Variants in CDYL2 observed in about 807,000 individuals in gnomAD.
CDYL2 encodes chromodomain Y-like protein 2.
A neutral mutation model predicts 49.4 loss-of-function variants in CDYL2; 23 were observed. The observed-to-expected ratio is 0.47, with a 90% CI of 0.34 to 0.66. The LOEUF is 0.66. CDYL2 is among the 30% of genes least tolerant of loss of function. The probability of loss-of-function intolerance (pLI) is 0.01; values close to 1 mark genes in which losing one functional copy is unlikely to be tolerated. For synonymous variants in CDYL2, 360 were observed against 268.8 expected (o/e 1.34, Z -3.32); for missense variants, 678 against 656.4 (o/e 1.03, Z -0.36).
At chr16:80,723,742 G>A (rs777896539) in intron 1 of CDYL2, among the ~76,000 whole-genome samples, 28 of 152,200 alleles carry the variant, frequency 1.8e-4, no homozygotes, top group Admixed American at 1.3e-4. Context: ...TGCAGAACAT[G>A]AGTAGTGGTG....
At chr16:80,721,366 G>A (rs762719095) in intron 1 of CDYL2, among the ~76,000 whole-genome samples, 1 of 152,146 alleles carries the variant, frequency 6.6e-6, no homozygotes, top group African/African-American at 2.4e-5. Context: ...GCAAACACAC[G>A]CTGGGGCCTG....
chr16:80,802,130 G>A (rs531212897), intron 1 of CDYL2, among the ~76,000 whole-genome samples: 4 of 152,128 alleles, frequency 2.6e-5, no homozygotes, highest in Non-Finnish European at 4.4e-5. Flanking sequence ...ATCTGGCAAC[G>A]ACAATTACCA....
At chr16:80,744,606 G>A (rs1049694131) in intron 1 of CDYL2, among the ~76,000 whole-genome samples, 3 of 152,184 alleles carry the variant, frequency 2.0e-5, no homozygotes. Flanking sequence ...AAATACAGGT[G>A]AAGAAACTGA....
At chr16:80,676,968 T>C (rs1432396442) in intron 2 of CDYL2, among the ~76,000 whole-genome samples, 1 of 137,892 alleles carries the variant, frequency 7.3e-6, no homozygotes. Context: ...AATGTATTTT[T>C]TTTTTTTTTT....
intron 1 of CDYL2, 60 bp downstream of exon 1, chr16:80,804,090 C>T (rs1908020398): frequency 2.0e-6 from 2 of 976,916 alleles, no homozygotes; most frequent in Non-Finnish European, 2.4e-6. Context: ...CCGCCGCCCG[C>T]CGCCGCCGCC....
chr16:80,769,268 G>C (rs988798688), intron 1 of CDYL2, among the ~76,000 whole-genome samples: 3 of 152,182 alleles, frequency 2.0e-5, no homozygotes, highest in South Asian at 2.1e-4. Flanking sequence ...ATGTGATTGA[G>C]AGGATGGCTC....
chr16:80,740,940 G>A (rs1456619516), intron 1 of CDYL2, among the ~76,000 whole-genome samples: 2 of 151,282 alleles, frequency 1.3e-5, no homozygotes, highest in Non-Finnish European at 2.9e-5. Context: ...TCAACTTAAA[G>A]CAATTTCAAT....
intron 1 of CDYL2, among the ~76,000 whole-genome samples, chr16:80,693,854 CA>C (rs1910514298): frequency 6.6e-6 from 1 of 152,116 alleles, no homozygotes; most frequent in Admixed American, 6.5e-5. Flanking sequence ...ACCAAGGTGT[CA>C]GAGGCTCCCA....
chr16:80,734,315 TC>T (rs1905437033), intron 1 of CDYL2, among the ~76,000 whole-genome samples: 1 of 152,186 alleles, frequency 6.6e-6, no homozygotes. Context: ...GAGTAGGACT[TC>T]GGGGTCATAA....
At chr16:80,623,504 A>G (rs1907173186) in intron 3 of CDYL2, among the ~76,000 whole-genome samples, 1 of 152,116 alleles carries the variant, frequency 6.6e-6, no homozygotes, top group Non-Finnish European at 1.5e-5. Flanking sequence ...TGGTCCTTAG[A>G]CCAGCAGCTT....
intron 1 of CDYL2, among the ~76,000 whole-genome samples, chr16:80,786,289 A>G (rs1308934193): frequency 6.6e-6 from 1 of 152,214 alleles, no homozygotes; most frequent in Non-Finnish European, 1.5e-5. Flanking sequence ...CAACCTCAAC[A>G]AAAAATGGGC....
chr16:80,609,155 T>C (rs1906481263), intron 5 of CDYL2, among the ~76,000 whole-genome samples: 1 of 152,178 alleles, frequency 6.6e-6, no homozygotes, highest in South Asian at 2.1e-4. Flanking sequence ...TCAGCTGTCA[T>C]ACAAGGTCTG....
intron 1 of CDYL2, among the ~76,000 whole-genome samples, chr16:80,702,202 A>G (rs987929012): frequency 5.3e-5 from 8 of 152,036 alleles, no homozygotes; most frequent in Admixed American, 1.3e-4. Flanking sequence ...ACACACACAC[A>G]CACACACACA....
intron 1 of CDYL2, among the ~76,000 whole-genome samples, chr16:80,798,045 T>A (rs1907819154): frequency 6.6e-6 from 1 of 152,220 alleles, no homozygotes; most frequent in South Asian, 2.1e-4. Context: ...GTTTGTTTTT[T>A]GTTTTTTGCT....
rs116304055 is a variant in CDYL2 at position 80,794,139 on chromosome 16, T to A, written c.24+10011A>T. ...ATTGTCCCCATTCCTTCTCTCAAATTTGAGTCAGAGCAGAAGGAGCCAGTC... is the reference window on the plus strand; with the variant it reads ...ATTGTCCCCATTCCTTCTCTCAAATATGAGTCAGAGCAGAAGGAGCCAGTC... On this transcript the variant is annotated intron_variant, in intron 1 of 6. Transcript: ENST00000570137. Among the ~76,000 whole-genome samples, 692 of 152,276 alleles carry A rather than the reference T, an allele frequency of 4.5e-3. 2 individuals are homozygous for A. The highest frequency in any genetic ancestry group is 0.015 in the African/African-American group (634 of 41,556).
chr16:80,760,438 A>G (rs12446278), intron 1 of CDYL2, among the ~76,000 whole-genome samples: 15,280 of 152,254 alleles, frequency 0.1, 824 homozygotes, highest in Middle Eastern at 0.13. Context: ...CAGGGTGACT[A>G]TAGTCAATAA....
intron 1 of CDYL2, among the ~76,000 whole-genome samples, chr16:80,698,633 G>A (rs573166617): frequency 6.6e-6 from 1 of 152,024 alleles, no homozygotes. Context: ...TCCTCCCTTG[G>A]TACTGTATAG....
intron 2 of CDYL2, among the ~76,000 whole-genome samples, chr16:80,642,869 G>C (rs1312936754): frequency 6.6e-6 from 1 of 152,114 alleles, no homozygotes; most frequent in East Asian, 1.9e-4. Flanking sequence ...TTCAAGATGA[G>C]ATTTGAGTGG....
intron 2 of CDYL2, among the ~76,000 whole-genome samples, chr16:80,666,482 T>C (rs1909268362): frequency 6.6e-6 from 1 of 152,074 alleles, no homozygotes; most frequent in Admixed American, 6.5e-5. Flanking sequence ...ATGCCCTTCA[T>C]GGGGGAGGGA....
Sources: allele counts gnomAD v4.1 joint callset (sites outside exome capture counted in the v4.1 genomes callset), GRCh38; gene constraint gnomAD v4.1.1; transcripts MANE v1.5; gene names NCBI Gene and HGNC (gene_info 2026-07-23, HGNC 2026-07-21).